Variants in TBCD observed in about 807,000 individuals in gnomAD.
TBCD encodes the protein tubulin-specific chaperone D.
TBCD carries 105 observed loss-of-function variants against 169.3 expected under a neutral mutation model. That is an observed-to-expected ratio of 0.62 (90% CI 0.53 to 0.73). The LOEUF is 0.73. Ranked by LOEUF, TBCD falls within the 30% of genes least tolerant of loss-of-function variation. The pLI, the probability that TBCD is intolerant of heterozygous loss-of-function variation, is 0.00. For missense variants in TBCD, 1,444 were observed against 1,600.1 expected, an observed-to-expected ratio of 0.90 and a Z score of 1.66; for synonymous variants, 700 against 643.9, an observed-to-expected ratio of 1.09 and a Z score of -1.32.
intron 13 of TBCD, among the ~76,000 whole-genome samples, chr17:82,817,669 A>C (rs2052042601): frequency 6.6e-6 from 1 of 151,966 alleles, no homozygotes; most frequent in South Asian, 2.1e-4. Context: ...CTCGTCTTGA[A>C]CTTCTGGCCT....
rs186949229 is a variant in TBCD, at chr17:82,767,163, C to T, written c.435+795C>T. Reference sequence around the variant, plus strand: ...GCCTCGTCAGGGGCCTTGCCTCAGACGGCAGCGGGGCCTGCTATGCTCGCT... The same window carrying T: ...GCCTCGTCAGGGGCCTTGCCTCAGATGGCAGCGGGGCCTGCTATGCTCGCT... On this transcript the variant is annotated intron_variant, in intron 4 of 38. Transcript: ENST00000355528. Among the ~76,000 whole-genome samples the T allele has an allele frequency of 7.2e-5, 11 of 152,314 alleles. No individual in the cohort carries two copies. The East Asian group carries it at 1.4e-3, about 19-fold the overall frequency.
intron 38 of TBCD, 76 bp downstream of exon 38, chr17:82,941,559 G>A (rs1167917216): frequency 7.4e-7 from 1 of 1,356,250 alleles, no homozygotes; most frequent in Non-Finnish European, 1.0e-6. Flanking sequence ...CAGCGGCTGT[G>A]CTTAGCTTCT....
intron 7 of TBCD, among the ~76,000 whole-genome samples, chr17:82,790,800 G>C (rs373659792): frequency 1.9e-4 from 29 of 152,106 alleles, no homozygotes; most frequent in Non-Finnish European, 4.4e-5. Context: ...TGGCCTCCTG[G>C]TTGGTGGATC....
intron 34 of TBCD, among the ~76,000 whole-genome samples, chr17:82,935,073 A>AAT (rs112454895): frequency 5.3e-5 from 8 of 151,206 alleles, no homozygotes; most frequent in African/African-American, 1.2e-4. Context: ...CAAAAAAAAA[A>AAT]TTTTTTTTCC....
At chr17:82,802,767 G>A (rs928120222) in intron 9 of TBCD, among the ~76,000 whole-genome samples, 2 of 114,590 alleles carry the variant, frequency 1.7e-5, no homozygotes, top group African/African-American at 8.2e-5. Flanking sequence ...TTTGTCTACA[G>A]ATTCACATGC....
chr17:82,830,151 C>T (rs1290051730), intron 13 of TBCD: 2 of 1,613,666 alleles, frequency 1.2e-6, no homozygotes, highest in Non-Finnish European at 1.7e-6. Flanking sequence ...GTTAGGACAC[C>T]CGGGCCCTCC....
intron 16 of TBCD, chr17:82,893,140 G>A: frequency 4.6e-6 from 1 of 219,124 alleles, no homozygotes; most frequent in Non-Finnish European, 9.2e-6. Context: ...TCGCTCTGGT[G>A]TGCACCGACC....
chr17:82,894,479 A>G (rs781326912), intron 17 of TBCD, among the ~76,000 whole-genome samples: 5 of 152,210 alleles, frequency 3.3e-5, no homozygotes, highest in African/African-American at 4.8e-5. Flanking sequence ...TCGATTCCCC[A>G]ACAGCCCTGC....
intron 21 of TBCD, among the ~76,000 whole-genome samples, chr17:82,908,986 G>A (rs1008625528): frequency 6.6e-6 from 1 of 152,224 alleles, no homozygotes; most frequent in African/African-American, 2.4e-5. Flanking sequence ...TGCCTGGGTG[G>A]GTTCTACGTC....
In TBCD at chr17:82,789,555, T is replaced by G. The variant is rs201466961; in HGVS notation, c.771+7834T>G. On this transcript the variant is annotated intron_variant, in intron 7 of 38. Coordinates refer to ENST00000355528, the MANE Select transcript of TBCD (RefSeq NM_005993.5). The surrounding 1 kb of genome is among the most constrained non-coding windows in gnomAD (Gnocchi z 4.8). Reference sequence around the variant, plus strand: ...TCAGTGGCCCCTGCCCCAGTCGTCCTGACCTGTGGCCCCTGTGCAGGTTGG... The same window carrying G: ...TCAGTGGCCCCTGCCCCAGTCGTCCGGACCTGTGGCCCCTGTGCAGGTTGG... Among the ~76,000 whole-genome samples the G allele has an allele frequency of 4.0e-3, 605 of 152,300 alleles. 15 individuals are homozygous for G. Among genetic ancestry groups the G allele is most frequent in the East Asian group, 5.0e-3 (26 of 5,172 alleles).
At position 82,809,701 on chromosome 17, in the gene TBCD, C is replaced by T. The variant is rs2051286672; in HGVS notation, c.1149-7C>T. 1.2e-6 allele frequency: 2 copies of T among 1,612,696 alleles called. No homozygotes were observed. The highest frequency in any genetic ancestry group is 2.2e-5 in the East Asian group (1 of 44,810). On this transcript the variant is annotated splice_polypyrimidine_tract_variant and splice_region_variant and intron_variant, in intron 11 of 38. Coordinates refer to ENST00000355528, the MANE Select transcript of TBCD (RefSeq NM_005993.5). ...GCCCCTGACGGATTGCTGCGTTTCTCTTTCAGCATCGGTAGGATGGCTGGC... is the reference window on the plus strand; with the variant it reads ...GCCCCTGACGGATTGCTGCGTTTCTTTTTCAGCATCGGTAGGATGGCTGGC...
chr17:82,842,942 G>A (rs12942471), intron 13 of TBCD, among the ~76,000 whole-genome samples: 63,453 of 151,370 alleles, frequency 0.42, 13,533 homozygotes, highest in East Asian at 0.54. Context: ...CACCACGTCC[G>A]GCTGATTTTT....
intron 18 of TBCD, among the ~76,000 whole-genome samples, chr17:82,902,997 T>C (rs565139761): frequency 3.0e-4 from 45 of 152,278 alleles, no homozygotes; most frequent in African/African-American, 1.0e-3. Context: ...GAGGCAGTTA[T>C]TGGATATGTG....
At position 82,828,163 on chromosome 17, in the gene TBCD, G is replaced by A. The variant is rs866515958; in HGVS notation, c.1318+13229G>A. On this transcript the variant is annotated intron_variant, in intron 13 of 38. Transcript: ENST00000355528. ...TGTGCATACACCCACAGACACACAT[G>A]CACACCCGTACAATCGAATGCACAC... is the stretch of plus-strand genomic sequence containing the variant. 1.5e-4 allele frequency among the ~76,000 whole-genome samples: 18 copies of A among 121,386 alleles called. No homozygotes were observed. The South Asian group carries it at 3.9e-3, about 26-fold the overall frequency. 79.6% of individuals were successfully genotyped at this position (121,386 alleles called of 152,430 possible).
chr17:82,847,115 G>A (rs2055196621), intron 13 of TBCD, among the ~76,000 whole-genome samples: 1 of 152,160 alleles, frequency 6.6e-6, no homozygotes, highest in African/African-American at 2.4e-5. Flanking sequence ...ACTTTGGGAG[G>A]CCAAGGTGGG....
chr17:82,797,630 T>C, intron 7 of TBCD, 127 bp from the exon 8 acceptor site: 1 of 692,668 alleles, frequency 1.4e-6, no homozygotes, highest in Non-Finnish European at 2.4e-6. Flanking sequence ...GTTTTCTTTA[T>C]TATTAGGTGG....
At chr17:82,755,356 G>T (rs1006165328) in intron 1 of TBCD, among the ~76,000 whole-genome samples, 48 of 152,184 alleles carry the variant, frequency 3.2e-4, no homozygotes, top group African/African-American at 1.1e-3. Context: ...TCAGGGAAAA[G>T]ACCTAGAAAA....
At chr17:82,828,751 GCA>G (rs34655768) in intron 13 of TBCD, among the ~76,000 whole-genome samples, 54,379 of 150,232 alleles carry the variant, frequency 0.36, 10,083 homozygotes, top group Middle Eastern at 0.43. Context: ...ACCCAGAGAT[GCA>G]CACACACACA....
At chr17:82,938,185 CCT>C in intron 36 of TBCD, 49 bp downstream of exon 36, 2 of 1,573,660 alleles carry the variant, frequency 1.3e-6, no homozygotes, top group Non-Finnish European at 1.7e-6. Context: ...GACACAAGCC[CCT>C]CAGTGACAAG....
Sources: allele counts gnomAD v4.1 joint callset (sites outside exome capture counted in the v4.1 genomes callset), GRCh38; gene constraint gnomAD v4.1.1; non-coding constraint Gnocchi (gnomAD v3.1); transcripts MANE v1.5; gene names NCBI Gene and HGNC (gene_info 2026-07-23, HGNC 2026-07-21).